The following ATP10B variants were observed in gnomAD, a reference collection of about 807,000 sequenced individuals.
ATP10B encodes the protein phospholipid-transporting ATPase VB.
ATP10B carries 122 observed loss-of-function variants against 141.2 expected under a neutral mutation model. The observed-to-expected ratio is 0.86, with a 90% CI of 0.75 to 1.00. The LOEUF is 1.00. Ranked by LOEUF, ATP10B falls within the 50% of genes least tolerant of loss-of-function variation. ATP10B has a pLI of 0.00. For synonymous variants in ATP10B, 685 were observed against 692.0 expected, an observed-to-expected ratio of 0.99 and a Z score of 0.16; for missense variants, 1,876 against 1,825.3, an observed-to-expected ratio of 1.03 and a Z score of -0.51.
intron 24 of ATP10B, among the ~76,000 whole-genome samples, chr5:160,572,962 C>T (rs1333915790): frequency 6.6e-6 from 1 of 151,718 alleles, no homozygotes; most frequent in Non-Finnish European, 1.5e-5. Context: ...CAGTGTGTAT[C>T]AGTCTGACAC....
rs1341871449 is a variant in ATP10B at position 160,716,924 on chromosome 5, C to T, written c.-220G>A. ...AAAGATATACCTGTTAGCGGAGTCC[C>T]TTTAAGGAGGTTAGACCAGTGACCT... On this transcript the variant is annotated 5_prime_UTR_variant, in exon 3 of 26. Coordinates refer to ENST00000327245, the MANE Select transcript of ATP10B (RefSeq NM_025153.3). The T allele has an allele frequency of 1.4e-5, 14 of 985,230 alleles. No homozygotes were observed. Among genetic ancestry groups the T allele is most frequent in the East Asian group, 1.1e-4 (1 of 8,816 alleles). 61.0% of individuals were successfully genotyped at this position (985,230 alleles called of 1,614,324 possible). A position where few individuals can be genotyped will look rare whatever the true frequency, so the allele number is the denominator to read the frequency against.
At chr5:160,864,080 T>C in the ATP10B span, among the ~76,000 whole-genome samples, 5 of 152,000 alleles carry the variant, frequency 3.3e-5, 1 homozygote, top group African/African-American at 1.2e-4. Context: ...CCTCCCTAAG[T>C]TATTCTATAA....
the ATP10B span, among the ~76,000 whole-genome samples, chr5:160,923,381 C>A: frequency 6.6e-6 from 1 of 152,176 alleles, no homozygotes. Context: ...AGGCACTTAA[C>A]CTTACCAACC....
chr5:160,878,738 C>T, the ATP10B span, among the ~76,000 whole-genome samples: 6 of 152,282 alleles, frequency 3.9e-5, no homozygotes, highest in Non-Finnish European at 8.8e-5. Flanking sequence ...CATGAACAGA[C>T]ACTTCTCAAA....
intron 7 of ATP10B, among the ~76,000 whole-genome samples, chr5:160,655,917 C>T (rs1006326382): frequency 2.0e-5 from 3 of 152,220 alleles, no homozygotes; most frequent in South Asian, 2.1e-4. Flanking sequence ...GTGTCAATAG[C>T]GGTATCTTTG....
At chr5:160,781,975 C>G (rs1193626772) in intron 2 of ATP10B, among the ~76,000 whole-genome samples, 1 of 151,926 alleles carries the variant, frequency 6.6e-6, no homozygotes. Context: ...TAGAGTAATG[C>G]CTAAAATTGT....
At chr5:160,815,618 T>C (rs912490321) in intron 1 of ATP10B, among the ~76,000 whole-genome samples, 2 of 152,060 alleles carry the variant, frequency 1.3e-5, no homozygotes, top group African/African-American at 2.4e-5. Context: ...GACAGAAAGT[T>C]AACAAGGATA....
chr5:160,795,694 AG>A (rs2127918604), intron 1 of ATP10B, among the ~76,000 whole-genome samples: 2 of 152,090 alleles, frequency 1.3e-5, no homozygotes, highest in Non-Finnish European at 2.9e-5. Context: ...TGTCCTTATA[AG>A]AGAAAGGCAG....
At chr5:160,601,493 T>C (rs1223991568) in intron 21 of ATP10B, among the ~76,000 whole-genome samples, 1 of 152,232 alleles carries the variant, frequency 6.6e-6, no homozygotes, top group Non-Finnish European at 1.5e-5. Context: ...TTCTGACTTC[T>C]TCCTATTCCC....
chr5:160,813,103 G>C (rs1773290077), intron 1 of ATP10B, among the ~76,000 whole-genome samples: 3 of 152,230 alleles, frequency 2.0e-5, no homozygotes, highest in Admixed American at 1.3e-4. Context: ...GAGGTACCAG[G>C]TTCATCTCAC....
chr5:160,757,210 A>G (rs1768682319), intron 2 of ATP10B, among the ~76,000 whole-genome samples: 1 of 152,218 alleles, frequency 6.6e-6, no homozygotes, highest in African/African-American at 2.4e-5. Context: ...TCCTTTTCCC[A>G]TTGAACTGCT....
intron 10 of ATP10B, among the ~76,000 whole-genome samples, chr5:160,637,180 C>T (rs998789414): frequency 2.6e-5 from 4 of 150,954 alleles, no homozygotes; most frequent in Admixed American, 2.6e-4. Flanking sequence ...TTCTATTCAT[C>T]AGTTTTTCTA....
chr5:160,692,746 CTT>C (rs1246257577), intron 3 of ATP10B: 3 of 152,226 alleles, frequency 2.0e-5, no homozygotes, highest in Non-Finnish European at 4.4e-5. Context: ...ACCCTGCACT[CTT>C]TGACCAATCA....
intron 1 of ATP10B, among the ~76,000 whole-genome samples, chr5:160,850,250 CAAA>C: frequency 6.6e-6 from 1 of 151,802 alleles, no homozygotes; most frequent in Admixed American, 6.6e-5. Context: ...TACTAAAAAA[CAAA>C]AAACAAAAAA....
intron 18 of ATP10B, 72 bp from the exon 19 acceptor site, chr5:160,607,158 CT>C: frequency 7.6e-7 from 1 of 1,319,884 alleles, no homozygotes; most frequent in Non-Finnish European, 1.1e-6. Flanking sequence ...TCAGTTTATT[CT>C]TTAGTAAGAT....
At chr5:160,565,985 A>G (rs927795446) in intron 25 of ATP10B, 85 bp from the exon 26 acceptor site, 1 of 1,310,322 alleles carries the variant, frequency 7.6e-7, no homozygotes, top group African/African-American at 1.5e-5. Context: ...TTTAGAATCC[A>G]ACTCCCTGCC....
At chr5:160,632,033 C>T (rs1758969891) in intron 13 of ATP10B, 96 bp downstream of exon 13, 2 of 1,146,300 alleles carry the variant, frequency 1.7e-6, no homozygotes, top group Admixed American at 4.6e-5. Flanking sequence ...GAAAGCTCTT[C>T]AGGGTTTGTA....
chr5:160,896,600 A>T, the ATP10B span, among the ~76,000 whole-genome samples: 2 of 152,228 alleles, frequency 1.3e-5, no homozygotes, highest in Non-Finnish European at 2.9e-5. Flanking sequence ...TTCACAGCTG[A>T]ATTTTACCAG....
chr5:160,868,568 A>ACACACG, the ATP10B span, among the ~76,000 whole-genome samples: 1 of 148,876 alleles, frequency 6.7e-6, no homozygotes, highest in South Asian at 2.1e-4. Flanking sequence ...ACACACACAC[A>ACACACG]CGATGCAACT....
Sources: allele counts gnomAD v4.1 joint callset (sites outside exome capture counted in the v4.1 genomes callset), GRCh38; gene constraint gnomAD v4.1.1; transcripts MANE v1.5; gene names NCBI Gene and HGNC (gene_info 2026-07-23, HGNC 2026-07-21).